ANKRD33B: variants seen among roughly 807,000 people sequenced by gnomAD.
ANKRD33B encodes the protein ankyrin repeat domain-containing protein 33B.
Under a neutral mutation model 21.5 loss-of-function variants are expected in ANKRD33B, and 6 were observed. The observed-to-expected ratio is 0.28, with a 90% CI of 0.15 to 0.55. ANKRD33B has a LOEUF of 0.55. Ranked by LOEUF, ANKRD33B falls within the 20% of genes least tolerant of loss-of-function variation. The probability of loss-of-function intolerance (pLI) is 0.94; values close to 1 mark genes in which losing one functional copy is unlikely to be tolerated. For missense variants in ANKRD33B, 698 were observed against 747.2 expected (o/e 0.93, Z 0.77); for synonymous variants, 347 against 342.4 (o/e 1.01, Z -0.15).
chr5:10,621,595 A>G (rs1023591192), intron 2 of ANKRD33B, among the ~76,000 whole-genome samples: 1 of 152,272 alleles, frequency 6.6e-6, no homozygotes, highest in Non-Finnish European at 1.5e-5. Flanking sequence ...AGGTGGACAG[A>G]AAGTGAAAAC....
At position 10,575,129 on chromosome 5, in the gene ANKRD33B, G is replaced by A. The variant is rs1472752416; in HGVS notation, c.366+10296G>A. 1.5e-4 allele frequency among the ~76,000 whole-genome samples: 3 copies of A among 20,028 alleles called. 1 individual carries two copies. Among genetic ancestry groups the A allele is most frequent in the African/African-American group, 2.5e-4 (3 of 12,166 alleles). The allele number at this position is 20,028 out of a possible 152,430, so 13.1% of individuals were successfully genotyped here. On this transcript the variant is annotated intron_variant, in intron 1 of 3. Coordinates refer to ENST00000296657, the MANE Select transcript of ANKRD33B (RefSeq NM_001164440.2). ...AAACAAACAAACAATTCTCACTTAA[G>A]AGTCTTGCTGGCAGGCTGGGCGCGG...
intron 1 of ANKRD33B, among the ~76,000 whole-genome samples, chr5:10,615,872 G>A (rs1736272641): frequency 6.6e-6 from 1 of 152,258 alleles, no homozygotes; most frequent in South Asian, 2.1e-4. Context: ...AAGCAGGTGG[G>A]TAGGTTAGCT....
chr5:10,633,383 G>C (rs1224479929), intron 2 of ANKRD33B, among the ~76,000 whole-genome samples: 1 of 152,182 alleles, frequency 6.6e-6, no homozygotes, highest in Non-Finnish European at 1.5e-5. Context: ...ACAGGCGTGC[G>C]CCACTGCGCC....
chr5:10,640,875 C>G (rs897127526), intron 3 of ANKRD33B, among the ~76,000 whole-genome samples: 3 of 152,258 alleles, frequency 2.0e-5, no homozygotes, highest in Admixed American at 2.0e-4. Context: ...CCCCTTCCTT[C>G]TTACTGTCTC....
chr5:10,643,537 C>T (rs1352915940), intron 3 of ANKRD33B, among the ~76,000 whole-genome samples: 2 of 152,054 alleles, frequency 1.3e-5, no homozygotes, highest in Non-Finnish European at 2.9e-5. Context: ...ACATCTTGGC[C>T]GGGCATGGTG....
chr5:10,583,251 G>A (rs569001499), intron 1 of ANKRD33B, among the ~76,000 whole-genome samples: 2 of 152,066 alleles, frequency 1.3e-5, no homozygotes, highest in Admixed American at 6.5e-5. Context: ...CTCCCTCCCC[G>A]GGCCTCCCAA....
At position 10,650,049 on chromosome 5, in the gene ANKRD33B, A is replaced by C. The variant is rs916450980; in HGVS notation, c.1421A>C (p.Glu474Ala). ...GAGAAGAGGAAGGCAGAGGAGGCCG[A>C]AAAGAAGCGCCAGGCCGAGGCGCAG... ...KEEKRKAEEAEKKRQAEAQKE... is the reference protein window; with the variant it reads ...KEEKRKAEEAAKKRQAEAQKE... Residue 474 changes from glutamate (E) to alanine (A), a missense_variant, in exon 4 of 4, where the codon GAA (glutamate) becomes GCA (alanine). Physicochemically the swap from Glu to Ala is moderately radical, Grantham distance 107. Around this residue, in one of 3 missense-constraint regions of ANKRD33B, gnomAD observed 543 missense variants for 566.5 expected, o/e 0.96. Transcript: ENST00000296657. 5.2e-5 allele frequency: 79 copies of C among 1,531,174 alleles called. No individual in the cohort carries two copies. Among genetic ancestry groups the C allele is most frequent in the Non-Finnish European group, 6.5e-5 (74 of 1,143,748 alleles). The allele number at this position is 1,531,174 out of a possible 1,614,324, so 94.8% of individuals were successfully genotyped here.
chr5:10,608,588 T>C (rs558005825), intron 1 of ANKRD33B, among the ~76,000 whole-genome samples: 34 of 151,770 alleles, frequency 2.2e-4, no homozygotes, highest in African/African-American at 7.7e-4. Flanking sequence ...GTTCATATAT[T>C]GTGCTAGGAA....
At chr5:10,595,274 G>A (rs775260854) in intron 1 of ANKRD33B, among the ~76,000 whole-genome samples, 2 of 152,132 alleles carry the variant, frequency 1.3e-5, no homozygotes, top group Non-Finnish European at 2.9e-5. Context: ...GAAGGCTGCC[G>A]TAACAAATGA....
chr5:10,612,056 G>C (rs1349161955), intron 1 of ANKRD33B, among the ~76,000 whole-genome samples: 4 of 152,314 alleles, frequency 2.6e-5, no homozygotes, highest in South Asian at 2.1e-4. Flanking sequence ...CGCCGGGCTT[G>C]AGGCTGCAGT....
intron 1 of ANKRD33B, among the ~76,000 whole-genome samples, chr5:10,565,923 G>A (rs1418414185): frequency 6.6e-6 from 1 of 152,192 alleles, no homozygotes; most frequent in Non-Finnish European, 1.5e-5. Flanking sequence ...TTGGGGACCC[G>A]GGTGACCTTG....
At chr5:10,579,782 C>T (rs1735404891) in intron 1 of ANKRD33B, among the ~76,000 whole-genome samples, 1 of 151,490 alleles carries the variant, frequency 6.6e-6, no homozygotes, top group Non-Finnish European at 1.5e-5. Context: ...TAAAAGGAAG[C>T]AATTTGAAAG....
intron 1 of ANKRD33B, 64 bp downstream of exon 1, chr5:10,564,897 C>A: frequency 7.0e-7 from 1 of 1,438,716 alleles, no homozygotes; most frequent in Non-Finnish European, 9.1e-7. Context: ...CTCCCCACCA[C>A]ATCCCCGCGC....
At chr5:10,622,902 G>C (rs1178316155) in intron 2 of ANKRD33B, among the ~76,000 whole-genome samples, 1 of 151,266 alleles carries the variant, frequency 6.6e-6, no homozygotes, top group African/African-American at 2.4e-5. Flanking sequence ...AGGTCCTCTT[G>C]GAGATTGGAG....
chr5:10,569,597 A>AAAAT (rs56346529), intron 1 of ANKRD33B, among the ~76,000 whole-genome samples: 81,625 of 148,240 alleles, frequency 0.55, 22,681 homozygotes, highest in East Asian at 0.77. Flanking sequence ...CCCGTGTTTG[A>AAAAT]AAATAAATAA....
intron 1 of ANKRD33B, among the ~76,000 whole-genome samples, chr5:10,606,712 GACA>G (rs1736052681): frequency 6.6e-6 from 1 of 151,228 alleles, no homozygotes; most frequent in Non-Finnish European, 1.5e-5. Flanking sequence ...CCAGCCTGGC[GACA>G]GAGCAAGACT....
chr5:10,647,811 T>G (rs1737222593), intron 3 of ANKRD33B, among the ~76,000 whole-genome samples: 2 of 152,212 alleles, frequency 1.3e-5, no homozygotes, highest in African/African-American at 2.4e-5. Flanking sequence ...TCTTTGCTCT[T>G]AATGCCCTCA....
rs1225556143 is a variant in ANKRD33B at position 10,619,520 on chromosome 5, T to C, written c.496+1058T>C. 3.1e-6 allele frequency: 1 copy of C among 325,376 alleles called. No homozygotes were observed. The highest frequency in any genetic ancestry group is 6.5e-5 in the Admixed American group (1 of 15,494). 20.2% of individuals were successfully genotyped at this position (325,376 alleles called of 1,614,324 possible). ...GGGGCCAGGGAGGCTGGAAAACCAG[T>C]GTTTGACAGTTTCATCCCCTGTGGT... On this transcript the variant is annotated intron_variant, in intron 2 of 3. Transcript: ENST00000296657. The surrounding 1 kb of genome is among the most constrained non-coding windows in gnomAD (Gnocchi z 4.5).
At chr5:10,643,207 G>T (rs1195399042) in intron 3 of ANKRD33B, among the ~76,000 whole-genome samples, 1 of 151,984 alleles carries the variant, frequency 6.6e-6, no homozygotes, top group African/African-American at 2.4e-5. Context: ...CTGGCCAGGG[G>T]TTTCTTAATT....
Sources: allele counts gnomAD v4.1 joint callset (sites outside exome capture counted in the v4.1 genomes callset), GRCh38; gene constraint gnomAD v4.1.1; regional missense constraint gnomAD v4.1.1; non-coding constraint Gnocchi (gnomAD v3.1); transcripts MANE v1.5; gene names NCBI Gene and HGNC (gene_info 2026-07-23, HGNC 2026-07-21).